Variants in CBLC observed in about 807,000 individuals in gnomAD.
CBLC encodes the protein Cbl proto-oncogene C.
Under a neutral mutation model 58.6 loss-of-function variants are expected in CBLC, and 46 were observed. That is an observed-to-expected ratio of 0.79 (90% CI 0.62 to 1.00). CBLC has a LOEUF of 1.00. Ranked by LOEUF, CBLC falls within the 50% of genes least tolerant of loss-of-function variation. The probability of loss-of-function intolerance (pLI) is 0.00; values close to 1 mark genes in which losing one functional copy is unlikely to be tolerated. For synonymous variants in CBLC, 271 were observed against 264.2 expected (o/e 1.03, Z -0.25); for missense variants, 655 against 625.8 (o/e 1.05, Z -0.50).
rs1050232407 is a variant in CBLC, at chr19:44,800,391, A to G, written c.1373A>G (p.Lys458Arg). Residue 458 changes from lysine to arginine, a missense_variant, in exon 10 of 11, where the codon AAG becomes AGG. By Grantham distance (26) the Lys-to-Arg change is conservative. Coordinates refer to ENST00000647358, the MANE Select transcript of CBLC (RefSeq NM_012116.4). ...ATATCTCCATTGCAGAGACTCCTAA[A>G]GGGGAACTCCCCTCCAGCTGCGCTG... ...RNAQPKVRLLKGNSPPAALGP... is the reference protein window; with the variant it reads ...RNAQPKVRLLRGNSPPAALGP... 6.2e-7 allele frequency: 1 copy of G among 1,612,428 alleles called. No individual in the cohort carries two copies. The highest frequency in any genetic ancestry group is 1.3e-5 in the African/African-American group (1 of 75,020).
At chr19:44,781,168 AGG>A in intron 2 of CBLC, 37 bp from the exon 3 acceptor site, 1 of 1,586,294 alleles carries the variant, frequency 6.3e-7, no homozygotes, top group South Asian at 1.1e-5. Context: ...AGGCTCTGGG[AGG>A]CCTCAGCGGT....
At chr19:44,794,392 C>G in intron 9 of CBLC, 111 bp downstream of exon 9, 1 of 858,672 alleles carries the variant, frequency 1.2e-6, no homozygotes, top group Non-Finnish European at 1.8e-6. Context: ...CCTTGGCACC[C>G]ATTTCCAAGG....
chr19:44,787,662 C>T (rs901234272), intron 5 of CBLC, among the ~76,000 whole-genome samples: 2 of 150,298 alleles, frequency 1.3e-5, no homozygotes, highest in African/African-American at 4.9e-5. Context: ...ACTAAAAATA[C>T]AAAAATTAAC....
At chr19:44,784,005 T>C in intron 4 of CBLC, among the ~76,000 whole-genome samples, 1 of 152,156 alleles carries the variant, frequency 6.6e-6, no homozygotes, top group East Asian at 1.9e-4. Flanking sequence ...CCCAGCCTTG[T>C]TTAAACTCCA....
At chr19:44,784,645 G>T (rs766914731) in intron 5 of CBLC, among the ~76,000 whole-genome samples, 122 of 152,318 alleles carry the variant, frequency 8.0e-4, no homozygotes, top group African/African-American at 2.7e-3. Context: ...GGAGAAGTGT[G>T]TGGGGCATTG....
chr19:44,781,328 A>T lies in CBLC; in HGVS notation c.622A>T (p.Ile208Phe). 6.2e-7 allele frequency: 1 copy of T among 1,612,468 alleles called. No individual in the cohort carries two copies. Among genetic ancestry groups the T allele is most frequent in the South Asian group, 1.1e-5 (1 of 91,084 alleles). Reference sequence around the variant, plus strand: ...CCTCACCTGCAGCGGGCACGTGTCCATCTTCGAGTTCGACGTCTTCACCAG... The same window carrying T: ...CCTCACCTGCAGCGGGCACGTGTCCTTCTTCGAGTTCGACGTCTTCACCAG... Reference protein sequence around the residue: ...IDLTCSGHVSIFEFDVFTRLF... With the variant: ...IDLTCSGHVSFFEFDVFTRLF... Residue 208 changes from isoleucine to phenylalanine, a missense_variant, in exon 3 of 11, where the codon ATC becomes TTC. Coordinates refer to ENST00000647358, the MANE Select transcript of CBLC (RefSeq NM_012116.4).
intron 9 of CBLC, among the ~76,000 whole-genome samples, chr19:44,797,034 C>T (rs1031787449): frequency 6.6e-6 from 1 of 152,144 alleles, no homozygotes; most frequent in African/African-American, 2.4e-5. Flanking sequence ...ATGGGGGACA[C>T]AGCCAGGACA....
At position 44,784,251 on chromosome 19, in the gene CBLC, C is replaced by T; in HGVS notation, c.780-13C>T. 5 of 1,562,290 alleles carry T rather than the reference C, an allele frequency of 3.2e-6. No homozygotes were observed. The highest frequency in any genetic ancestry group is 4.4e-6 in the Non-Finnish European group (5 of 1,140,260). On this transcript the variant is annotated splice_polypyrimidine_tract_variant and intron_variant, in intron 4 of 10. Transcript: ENST00000647358. ...CCACTCCCTCACCCCATCCTACCTA[C>T]CTCTCCCTCCAGTTACATCTTCCGG...
At position 44,794,234 on chromosome 19, in the gene CBLC, C is replaced by T. The variant is rs374048625; in HGVS notation, c.1315C>T (p.Arg439Trp). Reference sequence around the variant, plus strand: ...CCTTTCGGCTCCTCCATTGCCCCCACGGCCAGATCTGCCCCCCAGGAAGCC... The same window carrying T: ...CCTTTCGGCTCCTCCATTGCCCCCATGGCCAGATCTGCCCCCCAGGAAGCC... Reference protein sequence around the residue: ...VPLSAPPLPPRPDLPPRKPRN... With the variant: ...VPLSAPPLPPWPDLPPRKPRN... Residue 439 changes from arginine (R) to tryptophan (W), a missense_variant, in exon 9 of 11, where the codon CGG (arginine) becomes TGG (tryptophan). Around this residue, in one of 3 missense-constraint regions of CBLC, gnomAD observed 371 missense variants for 370.8 expected, o/e 1.00. Transcript: ENST00000647358. 8.7e-6 allele frequency: 14 copies of T among 1,613,268 alleles called. No homozygotes were observed. The highest frequency in any genetic ancestry group is 2.7e-5 in the African/African-American group (2 of 74,868).
chr19:44,784,520 T>C, intron 5 of CBLC, 119 bp downstream of exon 5: 1 of 993,848 alleles, frequency 1.0e-6, no homozygotes. Context: ...ATAGGGGACA[T>C]CTCAAATCTG....
chr19:44,790,979 C>G (rs773473091), intron 6 of CBLC, among the ~76,000 whole-genome samples: 4 of 151,874 alleles, frequency 2.6e-5, no homozygotes, highest in Non-Finnish European at 5.9e-5. Flanking sequence ...TGTGGTGGCT[C>G]ACACCTGTAG....
At chr19:44,790,315 A>G (rs991663529) in intron 6 of CBLC, among the ~76,000 whole-genome samples, 1 of 152,178 alleles carries the variant, frequency 6.6e-6, no homozygotes, top group Non-Finnish European at 1.5e-5. Context: ...GATGCTGCTG[A>G]GATCATCAGG....
chr19:44,784,951 T>G (rs974827033), intron 5 of CBLC, among the ~76,000 whole-genome samples: 8 of 61,796 alleles, frequency 1.3e-4, no homozygotes, highest in African/African-American at 4.0e-4. Context: ...TAGACAGGTG[T>G]TTTTTTTTTT....
intron 6 of CBLC, among the ~76,000 whole-genome samples, chr19:44,791,546 A>C (rs977602772): frequency 6.6e-6 from 1 of 152,038 alleles, no homozygotes; most frequent in African/African-American, 2.4e-5. Flanking sequence ...TAGCATGGCC[A>C]ACATGGTGAA....
In CBLC at chr19:44,784,307, A is replaced by G. The variant is rs755972476; in HGVS notation, c.823A>G (p.Ile275Val). 1.1e-5 allele frequency: 18 copies of G among 1,597,198 alleles called. No homozygotes were observed. Among genetic ancestry groups the G allele is most frequent in the Non-Finnish European group, 1.5e-5 (17 of 1,166,558 alleles). ...PSCTRLGQWA[I>V]GYVSSDGSIL... ...CTGTACTCGCCTGGGGCAGTGGGCC[A>G]TCGGCTATGTGAGCTCAGATGGCAG... Residue 275 changes from isoleucine to valine, a missense_variant, in exon 5 of 11, where the codon ATC becomes GTC. Ile to Val is a conservative substitution (Grantham distance 29). This residue lies in a region of CBLC where 371 missense variants were observed against 370.8 expected (regional missense o/e 1.00). Transcript: ENST00000647358.
rs757709044 is a variant in CBLC at position 44,778,019 on chromosome 19, G to A, written c.88G>A (p.Glu30Lys). The A allele has an allele frequency of 3.0e-5, 49 of 1,609,152 alleles. No individual in the cohort carries two copies. Among genetic ancestry groups the A allele is most frequent in the Non-Finnish European group, 4.2e-5 (49 of 1,179,600 alleles). ...RAVRMLQRLE[E>K]QCVDPRLSVS... ...AGTCAGGATGCTGCAGCGCCTAGAA[G>A]AGCAATGCGTCGACCCCCGGCTGTC... Residue 30 changes from glutamate to lysine, a missense_variant, in exon 1 of 11, where the codon GAG becomes AAG. Around this residue, in one of 3 missense-constraint regions of CBLC, gnomAD observed 280 missense variants for 237.2 expected, o/e 1.18. Coordinates refer to ENST00000647358, the MANE Select transcript of CBLC (RefSeq NM_012116.4).
At chr19:44,788,536 G>C (rs1402210456) in intron 5 of CBLC, among the ~76,000 whole-genome samples, 1 of 147,318 alleles carries the variant, frequency 6.8e-6, no homozygotes, top group East Asian at 2.0e-4. Flanking sequence ...CTCGAGTGCA[G>C]TGGTGCGATA....
At chr19:44,785,159 T>G (rs1310512381) in intron 5 of CBLC, among the ~76,000 whole-genome samples, 1 of 150,896 alleles carries the variant, frequency 6.6e-6, no homozygotes, top group Admixed American at 6.7e-5. Context: ...GTGTTTTTAG[T>G]AGAGACAGGG....
chr19:44,790,075 G>T lies in CBLC; in HGVS notation c.989G>T (p.Arg330Leu), dbSNP rs139273613. Residue 330 changes from arginine (R) to leucine (L), a missense_variant, in exon 6 of 11, where the codon CGC (arginine) becomes CTC (leucine). Arg to Leu is a moderately radical substitution (Grantham distance 102). This residue lies in a region of CBLC where 371 missense variants were observed against 370.8 expected (regional missense o/e 1.00). Transcript: ENST00000647358. Reference protein sequence around the residue: ...TELGQAEPQQRIHVSEEQLQL... With the variant: ...TELGQAEPQQLIHVSEEQLQL... ...CTCGGCCAGGCAGAACCCCAGCAGC[G>T]CATCCACGTGTCAGAGGTGAGACCC... The T allele has an allele frequency of 1.2e-6, 2 of 1,613,538 alleles. No individual in the cohort carries two copies. The highest frequency in any genetic ancestry group is 2.7e-5 in the African/African-American group (2 of 74,908).
Sources: allele counts gnomAD v4.1 joint callset (sites outside exome capture counted in the v4.1 genomes callset), GRCh38; gene constraint gnomAD v4.1.1; regional missense constraint gnomAD v4.1.1; transcripts MANE v1.5; gene names NCBI Gene and HGNC (gene_info 2026-07-23, HGNC 2026-07-21).